The following SLC24A3 variants were observed in gnomAD, a reference collection of about 807,000 sequenced individuals.
SLC24A3 encodes the protein sodium/potassium/calcium exchanger 3.
Under a neutral mutation model 75.8 loss-of-function variants are expected in SLC24A3, and 28 were observed. That is an observed-to-expected ratio of 0.37 (90% CI 0.27 to 0.51). The LOEUF is 0.51. SLC24A3 is among the 20% of genes least tolerant of loss of function. The probability of loss-of-function intolerance (pLI) is 0.94; values close to 1 mark genes in which losing one functional copy is unlikely to be tolerated. For missense variants in SLC24A3, 663 were observed against 847.8 expected (o/e 0.78, Z 2.71); for synonymous variants, 372 against 334.1 (o/e 1.11, Z -1.24).
intron 6 of SLC24A3, among the ~76,000 whole-genome samples, chr20:19,645,589 C>T (rs577344822): frequency 4.6e-5 from 7 of 152,178 alleles, no homozygotes; most frequent in East Asian, 3.9e-4. Flanking sequence ...CACCGCTGAG[C>T]GGCTCCACAG....
At chr20:19,492,586 T>C (rs1568633569) in intron 2 of SLC24A3, among the ~76,000 whole-genome samples, 1 of 152,190 alleles carries the variant, frequency 6.6e-6, no homozygotes, top group East Asian at 1.9e-4. Context: ...AGCCTTTTAC[T>C]CCTGAGGCCA....
intron 6 of SLC24A3, among the ~76,000 whole-genome samples, chr20:19,620,089 C>G (rs533442874): frequency 2.0e-5 from 3 of 152,310 alleles, no homozygotes; most frequent in Admixed American, 2.0e-4. Context: ...ACTCACTCCA[C>G]AGTCTCCAGT....
intron 2 of SLC24A3, among the ~76,000 whole-genome samples, chr20:19,338,966 G>A (rs942244624): frequency 1.3e-5 from 2 of 152,108 alleles, no homozygotes; most frequent in Non-Finnish European, 2.9e-5. Context: ...GCACATCCAT[G>A]GGTTGTCACA....
chr20:19,499,155 C>G (rs536825093), intron 2 of SLC24A3, among the ~76,000 whole-genome samples: 2 of 152,184 alleles, frequency 1.3e-5, no homozygotes, highest in Non-Finnish European at 2.9e-5. Flanking sequence ...GGCCGGTCAA[C>G]GCCTAAAAAT....
chr20:19,648,431 GT>G (rs2122704682), intron 6 of SLC24A3, among the ~76,000 whole-genome samples: 1 of 151,244 alleles, frequency 6.6e-6, no homozygotes, highest in Admixed American at 6.6e-5. Flanking sequence ...TAACTATTAT[GT>G]TGTTTTGTTT....
chr20:19,700,903 T>TA (rs1389032541), intron 15 of SLC24A3, among the ~76,000 whole-genome samples: 1 of 152,252 alleles, frequency 6.6e-6, no homozygotes, highest in Non-Finnish European at 1.5e-5. Context: ...CTATAGGTTT[T>TA]AGAGTTTTAC....
At chr20:19,452,190 G>A (rs1987494474) in intron 2 of SLC24A3, among the ~76,000 whole-genome samples, 1 of 152,174 alleles carries the variant, frequency 6.6e-6, no homozygotes, top group Non-Finnish European at 1.5e-5. Flanking sequence ...AAGCCAAGAG[G>A]AAGACGTGGT....
intron 6 of SLC24A3, among the ~76,000 whole-genome samples, chr20:19,601,879 GTTA>G (rs761752226): frequency 6.6e-6 from 1 of 152,136 alleles, no homozygotes; most frequent in East Asian, 1.9e-4. Context: ...TTAATTTAAA[GTTA>G]TTATTATTGG....
intron 6 of SLC24A3, among the ~76,000 whole-genome samples, chr20:19,644,420 C>A (rs1162986809): frequency 6.6e-6 from 1 of 152,152 alleles, no homozygotes; most frequent in Non-Finnish European, 1.5e-5. Flanking sequence ...CTGAGAGTTG[C>A]TTTTCTAACC....
At chr20:19,496,776 T>G (rs1366124476) in intron 2 of SLC24A3, among the ~76,000 whole-genome samples, 2 of 151,778 alleles carry the variant, frequency 1.3e-5, no homozygotes, top group Non-Finnish European at 1.5e-5. Context: ...GGCTCCTGAG[T>G]GTAGAAGCAC....
intron 2 of SLC24A3, among the ~76,000 whole-genome samples, chr20:19,436,323 A>G (rs2122460080): frequency 6.6e-6 from 1 of 152,350 alleles, no homozygotes; most frequent in East Asian, 1.9e-4. Context: ...GTAGAATTTC[A>G]GCTCATGATC....
intron 6 of SLC24A3, among the ~76,000 whole-genome samples, chr20:19,647,941 A>G (rs1399417567): frequency 6.6e-6 from 1 of 152,168 alleles, no homozygotes; most frequent in Non-Finnish European, 1.5e-5. Flanking sequence ...TAAAATGTGA[A>G]TTTATTTTGT....
chr20:19,693,987 G>C (rs1600344415), intron 13 of SLC24A3: 1 of 152,450 alleles, frequency 6.6e-6, no homozygotes, highest in South Asian at 2.1e-4. Context: ...ACAAAGAATT[G>C]GGAAATGATG....
intron 2 of SLC24A3, among the ~76,000 whole-genome samples, chr20:19,434,342 C>A (rs571072401): frequency 5.3e-5 from 8 of 152,186 alleles, no homozygotes; most frequent in Non-Finnish European, 1.2e-4. Context: ...GAGAAGCAGG[C>A]AGCTGAACAA....
chr20:19,259,342 C>T (rs530045828), intron 1 of SLC24A3, among the ~76,000 whole-genome samples: 10 of 151,992 alleles, frequency 6.6e-5, no homozygotes, highest in South Asian at 2.1e-4. Flanking sequence ...TGCTTCCGTC[C>T]GCCTGACACC....
chr20:19,700,291 C>A (rs903238055), intron 15 of SLC24A3, among the ~76,000 whole-genome samples: 3 of 152,168 alleles, frequency 2.0e-5, no homozygotes, highest in Non-Finnish European at 2.9e-5. Context: ...AGCAGAAACT[C>A]AGGGTTTGTG....
chr20:19,292,852 T>C (rs6136673), intron 2 of SLC24A3, among the ~76,000 whole-genome samples: 6,566 of 152,304 alleles, frequency 0.043, 520 homozygotes, highest in East Asian at 0.27. Context: ...AGATTCAGTG[T>C]CTGGTGAGGA....
intron 16 of SLC24A3, 87 bp from the exon 17 acceptor site, chr20:19,720,904 T>G: frequency 6.6e-7 from 1 of 1,519,832 alleles, no homozygotes; most frequent in Non-Finnish European, 8.9e-7. Context: ...CAGCAGCCCT[T>G]CCCCGGGTCC....
At chr20:19,632,923 C>A (rs539805472) in intron 6 of SLC24A3, among the ~76,000 whole-genome samples, 2 of 152,336 alleles carry the variant, frequency 1.3e-5, no homozygotes, top group South Asian at 4.1e-4. Context: ...GCCTTCACAG[C>A]GAGTTGTAAG....
Sources: allele counts gnomAD v4.1 joint callset (sites outside exome capture counted in the v4.1 genomes callset), GRCh38; gene constraint gnomAD v4.1.1; transcripts MANE v1.5; gene names NCBI Gene and HGNC (gene_info 2026-07-23, HGNC 2026-07-21).